The following SYNE2 variants were observed in gnomAD, a reference collection of about 807,000 sequenced individuals.
SYNE2 encodes the protein nesprin-2.
In SYNE2, 431 loss-of-function variants were observed where a neutral mutation model predicts 856.3. The ratio of observed to expected loss-of-function variants is 0.50; its 90% confidence interval spans 0.47 to 0.55. The LOEUF (loss-of-function observed/expected upper bound fraction) is 0.55, where lower values mean the gene tolerates loss of function less well. Ranked by LOEUF, SYNE2 falls within the 20% of genes least tolerant of loss-of-function variation. SYNE2 has a pLI of 0.00. For synonymous variants in SYNE2, 2,923 were observed against 2,872.3 expected, an observed-to-expected ratio of 1.02 and a Z score of -0.56; for missense variants, 8,129 against 8,023.2, an observed-to-expected ratio of 1.01 and a Z score of -0.50.
chr14:64,039,567 T>G (rs2097131469), intron 45 of SYNE2, among the ~76,000 whole-genome samples: 1 of 152,178 alleles, frequency 6.6e-6, no homozygotes, highest in Non-Finnish European at 1.5e-5. Flanking sequence ...AAAAGCAACA[T>G]TTTAAAAAAA....
chr14:64,142,488 G>A (rs554155151), intron 82 of SYNE2, among the ~76,000 whole-genome samples: 11 of 152,112 alleles, frequency 7.2e-5, no homozygotes, highest in South Asian at 2.1e-4. Flanking sequence ...AACTGTATAC[G>A]TCCTCTTAGT....
intron 2 of SYNE2, among the ~76,000 whole-genome samples, chr14:63,918,567 C>T (rs183881274): frequency 2.0e-5 from 3 of 152,198 alleles, no homozygotes; most frequent in East Asian, 3.9e-4. Context: ...CGTCAGATGC[C>T]GGATGAATAA....
At position 64,012,879 on chromosome 14, in the gene SYNE2, T is replaced by G. The variant is rs1334720904; in HGVS notation, c.4728+2763T>G. On this transcript the variant is annotated intron_variant, in intron 32 of 115. Coordinates refer to ENST00000555002, the MANE Select transcript of SYNE2 (RefSeq NM_182914.3). The stretch of plus-strand genomic sequence containing the variant: ...TCACAAACAGTCCATTTCTGTAGCA[T>G]GGATCTTTATCCTGCTTTGCAGCAG... 3.9e-5 allele frequency among the ~76,000 whole-genome samples: 6 copies of G among 152,272 alleles called. No individual in the cohort carries two copies. The East Asian group carries it at 1.2e-3, about 29-fold the overall frequency.
In SYNE2 at chr14:64,024,441, C is replaced by A. The variant is rs763379672; in HGVS notation, c.5822C>A (p.Ser1941Tyr). 1.9e-6 allele frequency: 3 copies of A among 1,613,934 alleles called. No individual in the cohort carries two copies. In the African/African-American group the frequency reaches 4.0e-5, roughly 22 times the overall value. ...GCTCGAGCAAAGGAGCTTGAAGACTCCTTGCAGCAGCTACTGAGGTAGGAA... is the reference window on the plus strand; with the variant it reads ...GCTCGAGCAAAGGAGCTTGAAGACTACTTGCAGCAGCTACTGAGGTAGGAA... ...CQARAKELEDSLQQLLRLQDD... is the reference protein window; with the variant it reads ...CQARAKELEDYLQQLLRLQDD... Residue 1941 changes from serine (S) to tyrosine (Y), a missense_variant, in exon 39 of 116, where the codon TCC (serine) becomes TAC (tyrosine). Physicochemically the swap from Ser to Tyr is moderately radical, Grantham distance 144. Transcript: ENST00000555002.
At chr14:63,811,113 A>C (rs549034675) in intron 1 of SYNE2, among the ~76,000 whole-genome samples, 9 of 151,532 alleles carry the variant, frequency 5.9e-5, no homozygotes, top group African/African-American at 2.2e-4. Context: ...GGGATTACAG[A>C]CGTGAGCCAC....
At chr14:63,894,080 T>G (rs923964471) in intron 1 of SYNE2, among the ~76,000 whole-genome samples, 6 of 152,244 alleles carry the variant, frequency 3.9e-5, no homozygotes, top group African/African-American at 1.4e-4. Flanking sequence ...ATTATTTGTT[T>G]CTTTTCAGTT....
chr14:63,922,686 C>A (rs2095614943), intron 2 of SYNE2, among the ~76,000 whole-genome samples: 1 of 152,192 alleles, frequency 6.6e-6, no homozygotes, highest in Non-Finnish European at 1.5e-5. Flanking sequence ...CAGAGTTTAT[C>A]ATTTCATCGC....
At chr14:63,909,568 AC>A (rs1163342959) in intron 2 of SYNE2, among the ~76,000 whole-genome samples, 1 of 152,048 alleles carries the variant, frequency 6.6e-6, no homozygotes, top group African/African-American at 2.4e-5. Context: ...CTTGCCAGGC[AC>A]GGTGGCTCAT....
chr14:63,784,897 A>G (rs544203608), intron 1 of SYNE2, among the ~76,000 whole-genome samples: 6 of 152,198 alleles, frequency 3.9e-5, no homozygotes, highest in African/African-American at 1.4e-4. Flanking sequence ...CTGCACACAT[A>G]TGTGTTTGTT....
In SYNE2 at chr14:64,168,872, T is replaced by C. The variant is rs750922354; in HGVS notation, c.16906-5T>C. The C allele has an allele frequency of 6.2e-7, 1 of 1,606,148 alleles. No individual in the cohort carries two copies. The highest frequency in any genetic ancestry group is 1.7e-5 in the Admixed American group (1 of 60,016). On this transcript the variant is annotated splice_region_variant and splice_polypyrimidine_tract_variant and intron_variant, in intron 92 of 115. Coordinates refer to ENST00000555002, the MANE Select transcript of SYNE2 (RefSeq NM_182914.3). ...CTGATATTTTCTGCTTGGACTCATA[T>C]ACAGATGTTAGAAGCTGAAGTTTCT... is the stretch of plus-strand genomic sequence containing the variant.
intron 46 of SYNE2, 65 bp downstream of exon 46, chr14:64,048,220 T>G (rs1211101102): frequency 6.5e-6 from 10 of 1,547,460 alleles, no homozygotes; most frequent in Non-Finnish European, 7.9e-6. Context: ...ACAATATATT[T>G]TAATTGCCAA....
At chr14:63,950,141 C>A (rs1328220916) in intron 7 of SYNE2, 135 bp downstream of exon 7, 1 of 1,039,782 alleles carries the variant, frequency 9.6e-7, no homozygotes, top group East Asian at 2.5e-5. Flanking sequence ...TTCTTCCATA[C>A]GTGGAAGCCC....
In SYNE2 at chr14:63,942,325, T is replaced by C. The variant is rs77759254; in HGVS notation, c.408+182T>C. The stretch of plus-strand genomic sequence containing the variant: ...TTGCCATTTCTGTTATTGGTTTTTT[T>C]CTCTTCTTTTTGAGATGGAGTCTCG... On this transcript the variant is annotated intron_variant, in intron 6 of 115. Transcript: ENST00000555002. Among the ~76,000 whole-genome samples, 4,524 of 152,242 alleles carry C rather than the reference T, an allele frequency of 0.03. 245 individuals are homozygous for C. Among genetic ancestry groups the C allele is most frequent in the African/African-American group, 0.1 (4,261 of 41,514 alleles).
intron 36 of SYNE2, 129 bp from the exon 37 acceptor site, chr14:64,021,728 G>T (rs2096937373): frequency 6.4e-6 from 7 of 1,090,234 alleles, no homozygotes; most frequent in Middle Eastern, 2.9e-4. Context: ...ACATTTACTA[G>T]CAAAGAGAAA....
At chr14:63,843,297 A>G (rs1259159913) in intron 1 of SYNE2, among the ~76,000 whole-genome samples, 2 of 151,846 alleles carry the variant, frequency 1.3e-5, no homozygotes, top group Non-Finnish European at 2.9e-5. Context: ...CCACCTGCCT[A>G]GGGCTCTCAA....
At chr14:64,067,766 CTT>C (rs1278525476) in intron 51 of SYNE2, among the ~76,000 whole-genome samples, 2 of 152,198 alleles carry the variant, frequency 1.3e-5, no homozygotes, top group East Asian at 3.8e-4. Context: ...AACAGAATCT[CTT>C]TACTATAACT....
intron 33 of SYNE2, among the ~76,000 whole-genome samples, chr14:64,017,044 A>G (rs976994565): frequency 6.6e-6 from 1 of 152,056 alleles, no homozygotes; most frequent in African/African-American, 2.4e-5. Flanking sequence ...AATGAAGAAG[A>G]CTAGACCCAG....
chr14:64,055,071 A>G (rs752214954), intron 48 of SYNE2, among the ~76,000 whole-genome samples: 1 of 152,168 alleles, frequency 6.6e-6, no homozygotes, highest in Admixed American at 6.5e-5. Context: ...ATTTATTTCA[A>G]CTATTTGTTA....
chr14:64,125,781 G>T (rs533985587), intron 71 of SYNE2, among the ~76,000 whole-genome samples: 2 of 152,306 alleles, frequency 1.3e-5, no homozygotes, highest in Non-Finnish European at 2.9e-5. Context: ...CTGGGGACGT[G>T]CTTGGAGTCA....
Sources: gnomAD v4.1 joint callset for allele counts (sites outside exome capture counted in the v4.1 genomes callset) on GRCh38, gnomAD v4.1.1 for gene constraint, MANE v1.5 for transcripts, NCBI Gene and HGNC (gene_info 2026-07-23, HGNC 2026-07-21) for gene names.